TBCK: variants seen among roughly 807,000 people sequenced by gnomAD.
TBCK encodes TBC domain-containing protein kinase-like protein.
A neutral mutation model predicts 113.4 loss-of-function variants in TBCK; 99 were observed. The ratio of observed to expected loss-of-function variants is 0.87; its 90% CI spans 0.74 to 1.03. The LOEUF (loss-of-function observed/expected upper bound fraction) is 1.03. TBCK is among the 50% of genes least tolerant of loss of function. TBCK has a pLI of 0.00. For missense variants in TBCK, 1,045 were observed against 1,061.3 expected (o/e 0.98, Z 0.21); for synonymous variants, 369 against 370.8 (o/e 1.00, Z 0.05).
At chr4:106,261,100 T>C (rs897038184) in intron 4 of TBCK, among the ~76,000 whole-genome samples, 4 of 152,092 alleles carry the variant, frequency 2.6e-5, no homozygotes, top group African/African-American at 9.7e-5. Flanking sequence ...TTTTAAGTTT[T>C]TCCCTTTTAA....
At chr4:106,172,898 C>A (rs1203572419) in intron 22 of TBCK, among the ~76,000 whole-genome samples, 1 of 152,072 alleles carries the variant, frequency 6.6e-6, no homozygotes, top group Non-Finnish European at 1.5e-5. Flanking sequence ...AACTAAGACA[C>A]AAGGAAGTTA....
At chr4:106,074,799 G>T (rs1737971552) in intron 25 of TBCK, among the ~76,000 whole-genome samples, 2 of 152,218 alleles carry the variant, frequency 1.3e-5, no homozygotes, top group African/African-American at 4.8e-5. Flanking sequence ...TACAGCCAGA[G>T]GGACCAGTTG....
At chr4:106,306,818 G>A (rs1482218336) in intron 2 of TBCK, among the ~76,000 whole-genome samples, 1 of 152,144 alleles carries the variant, frequency 6.6e-6, no homozygotes, top group Non-Finnish European at 1.5e-5. Context: ...TCTTGCTTGA[G>A]GGATTAAGCC....
At chr4:106,147,192 A>G (rs1459817243) in intron 23 of TBCK, among the ~76,000 whole-genome samples, 36 of 152,168 alleles carry the variant, frequency 2.4e-4, no homozygotes, top group Admixed American at 2.4e-3. Context: ...ACTTCTTACA[A>G]ACACCTTTTC....
In TBCK at chr4:106,305,461, T is replaced by TA. The variant is rs1767416986; in HGVS notation, c.193+3306dup. Among the ~76,000 whole-genome samples the TA allele has an allele frequency of 2.6e-5, 4 of 151,998 alleles. No individual in the cohort carries two copies. The South Asian group carries it at 8.3e-4, about 31-fold the overall frequency. ...ACAGAAGAGCCATTGCTCTGTGGTC[T>TA]AAAGTCCTTTATCCCACCAAAACCT... is the stretch of plus-strand genomic sequence containing the variant. On this transcript the variant is annotated intron_variant, in intron 2 of 25. Coordinates refer to ENST00000394708, the MANE Select transcript of TBCK (RefSeq NM_001163435.3).
At chr4:106,248,224 C>G (rs1761046702) in intron 9 of TBCK, 21 bp downstream of exon 9, 1 of 1,536,910 alleles carries the variant, frequency 6.5e-7, no homozygotes, top group South Asian at 1.2e-5. Flanking sequence ...AATGTAATCC[C>G]AATCTCTAAA....
chr4:106,049,917 G>GC (rs1242957076), intron 25 of TBCK, among the ~76,000 whole-genome samples: 1 of 152,016 alleles, frequency 6.6e-6, no homozygotes, highest in Non-Finnish European at 1.5e-5. Context: ...TGATTCTAAT[G>GC]TGTAACTAGC....
At chr4:106,062,311 A>G (rs145079600) in intron 25 of TBCK, among the ~76,000 whole-genome samples, 35 of 152,012 alleles carry the variant, frequency 2.3e-4, no homozygotes, top group African/African-American at 8.2e-4. Context: ...ATGTGAGAAG[A>G]CAAGGCTCTT....
intron 5 of TBCK, among the ~76,000 whole-genome samples, chr4:106,256,376 G>A (rs1170907619): frequency 6.6e-6 from 1 of 152,320 alleles, no homozygotes; most frequent in South Asian, 2.1e-4. Flanking sequence ...TCCCTCCCTT[G>A]CTTGTTGGTG....
rs191693825 is a variant in TBCK, at chr4:106,132,943, G to A, written c.2236-16565C>T. On this transcript the variant is annotated intron_variant, in intron 23 of 25. Coordinates refer to ENST00000394708, the MANE Select transcript of TBCK (RefSeq NM_001163435.3). The stretch of plus-strand genomic sequence containing the variant: ...TGTACCCCCACTGTATTTGGGAAAT[G>A]ACTAACTTGCTTTTGATTTTACAGG... Among the ~76,000 whole-genome samples the A allele has an allele frequency of 5.0e-3, 765 of 152,318 alleles. 4 individuals carry two copies. The highest frequency in any genetic ancestry group is 0.018 in the African/African-American group (736 of 41,562).
intron 3 of TBCK, among the ~76,000 whole-genome samples, chr4:106,294,548 C>A (rs943727918): frequency 1.6e-4 from 24 of 151,168 alleles, no homozygotes; most frequent in Non-Finnish European, 1.3e-4. Context: ...GTGGTGCAAT[C>A]TCGGCTCACC....
At chr4:106,049,857 G>T (rs1734619807) in intron 25 of TBCK, among the ~76,000 whole-genome samples, 1 of 151,888 alleles carries the variant, frequency 6.6e-6, no homozygotes, top group Non-Finnish European at 1.5e-5. Flanking sequence ...GAGTTTCTTG[G>T]GACAGATCTC....
chr4:106,234,781 T>A (rs1320581142), intron 15 of TBCK, among the ~76,000 whole-genome samples: 1 of 152,136 alleles, frequency 6.6e-6, no homozygotes, highest in Admixed American at 6.6e-5. Flanking sequence ...GTGACACATC[T>A]TTCCTCACAA....
chr4:106,044,784 TTAAGTA>T lies in TBCK; in HGVS notation c.*1780_*1785del, dbSNP rs1456651149. The T allele has an allele frequency of 6.6e-6, 1 of 152,210 alleles. No individual in the cohort carries two copies. Among genetic ancestry groups the T allele is most frequent in the Non-Finnish European group, 1.5e-5 (1 of 68,044 alleles). The allele number at this position is 152,210 out of a possible 1,614,324, so 9.4% of individuals were successfully genotyped here. On this transcript the variant is annotated 3_prime_UTR_variant, in exon 26 of 26. Coordinates refer to ENST00000394708, the MANE Select transcript of TBCK (RefSeq NM_001163435.3). ...CATGTTAAAAGGATGAATTTTATGG[TTAAGTA>T]TATCTCAATTTAAAAAGTAGATGCA...
chr4:106,091,448 T>C (rs556628890), intron 25 of TBCK, among the ~76,000 whole-genome samples: 7 of 152,138 alleles, frequency 4.6e-5, no homozygotes, highest in Non-Finnish European at 7.3e-5. Context: ...CACGGACCCT[T>C]GTGGTGAGTG....
At chr4:106,316,670 C>T (rs1029453650), upstream of TBCK, 5 of 1,454,608 alleles carry the variant, frequency 3.4e-6, no homozygotes, top group African/African-American at 7.0e-5. Context: ...CTCTAACTTG[C>T]CTCCAGGAGA....
At position 106,125,944 on chromosome 4, in the gene TBCK, A is replaced by G. The variant is rs114863086; in HGVS notation, c.2236-9566T>C. On this transcript the variant is annotated intron_variant, in intron 23 of 25. Transcript: ENST00000394708. ...GCAACGATAAAGACTTATGGAGTAAATCTATATAAAGTATTTAGAATGGCG... is the reference window on the plus strand; with the variant it reads ...GCAACGATAAAGACTTATGGAGTAAGTCTATATAAAGTATTTAGAATGGCG... 5.7e-3 allele frequency among the ~76,000 whole-genome samples: 864 copies of G among 152,320 alleles called. 10 individuals carry two copies. Among genetic ancestry groups the G allele is most frequent in the African/African-American group, 0.02 (835 of 41,572 alleles).
intron 22 of TBCK, among the ~76,000 whole-genome samples, chr4:106,178,785 A>G (rs995799357): frequency 6.6e-5 from 10 of 151,618 alleles, no homozygotes; most frequent in African/African-American, 2.4e-4. Context: ...GTTTGAAAGT[A>G]TCCTCTCCTC....
intron 24 of TBCK, among the ~76,000 whole-genome samples, chr4:106,114,973 A>G (rs1027823289): frequency 4.8e-4 from 73 of 152,262 alleles, no homozygotes; most frequent in Non-Finnish European, 4.1e-4. Flanking sequence ...ATCAACATTT[A>G]TACTCTCTCC....
Sources: allele counts gnomAD v4.1 joint callset (sites outside exome capture counted in the v4.1 genomes callset), GRCh38; gene constraint gnomAD v4.1.1; transcripts MANE v1.5; gene names NCBI Gene and HGNC (gene_info 2026-07-23, HGNC 2026-07-21).